RNF150: variants seen among roughly 807,000 people sequenced by gnomAD.
RNF150 encodes the protein ring finger protein 150.
A neutral mutation model predicts 39.3 loss-of-function variants in RNF150; 24 were observed. That is an observed-to-expected ratio of 0.61 (90% CI 0.44 to 0.86). RNF150 has a LOEUF of 0.86. Among genes scored for constraint, RNF150 ranks in the 40% least tolerant of loss-of-function variants. The pLI is 0.00. For missense variants in RNF150, 502 were observed against 587.8 expected (o/e 0.85, Z 1.51); for synonymous variants, 255 against 227.3 (o/e 1.12, Z -1.10).
intron 1 of RNF150, chr4:141,053,665 C>G: frequency 7.3e-7 from 1 of 1,377,746 alleles, no homozygotes; most frequent in South Asian, 1.8e-5. Context: ...CTAAAGCATA[C>G]CTGAGGAAAG....
chr4:141,000,013 A>C lies in RNF150; in HGVS notation c.485-32140T>G, dbSNP rs1362847203. Among the ~76,000 whole-genome samples the C allele has an allele frequency of 1.1e-3, 45 of 42,454 alleles. 1 individual carries two copies. The highest frequency in any genetic ancestry group is 1.7e-3 in the Non-Finnish European group (35 of 20,024). The allele number at this position is 42,454 out of a possible 152,430, so 27.9% of individuals were successfully genotyped here. On this transcript the variant is annotated intron_variant, in intron 1 of 6. Coordinates refer to ENST00000515673, the MANE Select transcript of RNF150 (RefSeq NM_020724.2). ...GAAGAAAAGAAGAAGAAGAAGAAGA[A>C]GAAGAAGAAGAAGAAGAAGAAGAAG...
chr4:140,923,286 C>T (rs538863954), intron 5 of RNF150, among the ~76,000 whole-genome samples: 1 of 152,090 alleles, frequency 6.6e-6, no homozygotes, highest in African/African-American at 2.4e-5. Flanking sequence ...AAAAAAGAAA[C>T]AACCCCATCA....
chr4:141,181,092 GT>G (rs1353693343), intron 1 of RNF150, among the ~76,000 whole-genome samples: 3 of 152,134 alleles, frequency 2.0e-5, no homozygotes, highest in Non-Finnish European at 4.4e-5. Flanking sequence ...ATGCTAGTAA[GT>G]CTTCACTCAG....
rs1728698192 is a variant in RNF150, at chr4:140,866,108, A to C, written c.*2153T>G. 1 of 152,210 alleles carries C rather than the reference A, an allele frequency of 6.6e-6. No homozygotes were observed. The highest frequency in any genetic ancestry group is 1.5e-5 in the Non-Finnish European group (1 of 68,038). The allele number at this position is 152,210 out of a possible 1,614,324, so 9.4% of individuals were successfully genotyped here. A position where few individuals can be genotyped will look rare whatever the true frequency, so the allele number is the denominator to read the frequency against. On this transcript the variant is annotated 3_prime_UTR_variant, in exon 7 of 7. Transcript: ENST00000515673. ...ATTTTTAAACAAGGCAAAACAAACC[A>C]ACTCCTACTTGGACTTAAAACTTCA...
chr4:141,031,180 T>C (rs1324412358), intron 1 of RNF150, among the ~76,000 whole-genome samples: 1 of 151,814 alleles, frequency 6.6e-6, no homozygotes, highest in Non-Finnish European at 1.5e-5. Context: ...CTTCAATAAA[T>C]GATGCTGGGA....
chr4:140,985,703 CTAA>C (rs952763959), intron 1 of RNF150, among the ~76,000 whole-genome samples: 44 of 151,964 alleles, frequency 2.9e-4, no homozygotes, highest in African/African-American at 1.0e-3. Flanking sequence ...ATAATTGTTA[CTAA>C]TGAGATATTT....
At position 141,203,862 on chromosome 4, in the gene RNF150, C is replaced by T. The variant is rs142294729; in HGVS notation, c.-6+8932G>A. ...TAACAGAAATATGCCCTCCCAAGCA[C>T]AGTGAAGAAAAAAAAAAGTTCTTCT... On this transcript the variant is annotated intron_variant, in intron 1 of 7. Coordinates refer to the RNF150 transcript ENST00000420921. Among the ~76,000 whole-genome samples the T allele has an allele frequency of 1.4e-4, 21 of 151,130 alleles. No homozygotes were observed. The East Asian group carries it at 4.1e-3, about 29-fold the overall frequency.
chr4:141,116,590 C>G (rs1448098826), intron 1 of RNF150, among the ~76,000 whole-genome samples: 1 of 152,158 alleles, frequency 6.6e-6, no homozygotes, highest in Non-Finnish European at 1.5e-5. Context: ...AGCAATTCCT[C>G]AAGAATCTAG....
intron 1 of RNF150, among the ~76,000 whole-genome samples, chr4:141,026,109 A>G (rs1735686141): frequency 6.6e-6 from 1 of 152,140 alleles, no homozygotes; most frequent in African/African-American, 2.4e-5. Context: ...GACTCTCCAG[A>G]CTTCACAACT....
intron 1 of RNF150, among the ~76,000 whole-genome samples, chr4:141,180,980 T>A (rs962456864): frequency 1.1e-4 from 16 of 152,348 alleles, no homozygotes; most frequent in Non-Finnish European, 1.8e-4. Flanking sequence ...TGAGTTTTTT[T>A]ATATTTATTA....
chr4:140,868,926 T>A (rs1728824861), intron 6 of RNF150, among the ~76,000 whole-genome samples: 2 of 151,802 alleles, frequency 1.3e-5, no homozygotes, highest in Admixed American at 1.3e-4. Flanking sequence ...AAATAAGATA[T>A]CCTTTTTTGT....
intron 1 of RNF150, among the ~76,000 whole-genome samples, chr4:141,140,055 GC>G (rs1727092870): frequency 6.6e-6 from 1 of 152,068 alleles, no homozygotes; most frequent in South Asian, 2.1e-4. Context: ...CTTCTCTGAG[GC>G]CAGGTACTTG....
chr4:140,903,826 C>T (rs1730276951), intron 6 of RNF150, among the ~76,000 whole-genome samples: 2 of 152,180 alleles, frequency 1.3e-5, no homozygotes, highest in Non-Finnish European at 2.9e-5. Flanking sequence ...TTGTGTCATA[C>T]TCAGGCTGAG....
chr4:141,131,672 C>A (rs559572157), intron 1 of RNF150, among the ~76,000 whole-genome samples: 1 of 152,148 alleles, frequency 6.6e-6, no homozygotes, highest in Non-Finnish European at 1.5e-5. Flanking sequence ...AAGGATAATG[C>A]AATAATTAGA....
chr4:141,212,383 C>G (rs9999560), intron 1 of RNF150, among the ~76,000 whole-genome samples: 1,999 of 152,218 alleles, frequency 0.013, 46 homozygotes, highest in African/African-American at 0.044. Flanking sequence ...TATTCTTGAG[C>G]CTCTTCAGCT....
intron 5 of RNF150, among the ~76,000 whole-genome samples, chr4:140,913,173 A>C (rs527990020): frequency 5.9e-5 from 9 of 152,306 alleles, no homozygotes; most frequent in Admixed American, 1.3e-4. Flanking sequence ...AGGCAGGGGA[A>C]TCGCTTGAAC....
chr4:141,210,819 T>C (rs1464601421), intron 1 of RNF150, among the ~76,000 whole-genome samples: 1 of 152,124 alleles, frequency 6.6e-6, no homozygotes, highest in East Asian at 1.9e-4. Context: ...AAAACCTCCA[T>C]TTGCCAGTCT....
At chr4:141,185,442 GT>G (rs1727988601) in intron 1 of RNF150, among the ~76,000 whole-genome samples, 1 of 151,880 alleles carries the variant, frequency 6.6e-6, no homozygotes, top group Non-Finnish European at 1.5e-5. Context: ...GAGACAATGG[GT>G]TTTTCTAAAT....
At chr4:140,949,675 C>T (rs971452874) in intron 2 of RNF150, among the ~76,000 whole-genome samples, 1 of 73,266 alleles carries the variant, frequency 1.4e-5, no homozygotes, top group South Asian at 3.7e-4. Context: ...GCATACACTA[C>T]CCCCCCCCAA....
Sources: allele counts gnomAD v4.1 joint callset (sites outside exome capture counted in the v4.1 genomes callset), GRCh38; gene constraint gnomAD v4.1.1; transcripts MANE v1.5; gene names NCBI Gene and HGNC (gene_info 2026-07-23, HGNC 2026-07-21).